Variants in KCNN2 observed in about 807,000 individuals in gnomAD.
The protein encoded by KCNN2 is small conductance calcium-activated potassium channel protein 2.
In KCNN2, 24 loss-of-function variants were observed where a neutral mutation model predicts 55.5. That is an observed-to-expected ratio of 0.43 (90% confidence interval 0.31 to 0.61). The LOEUF is 0.61. Among genes scored for constraint, KCNN2 ranks in the 20% least tolerant of loss-of-function variants. KCNN2 has a pLI of 0.08. For synonymous variants in KCNN2, 431 were observed against 336.1 expected, an observed-to-expected ratio of 1.28 and a Z score of -3.09; for missense variants, 754 against 853.6, an observed-to-expected ratio of 0.88 and a Z score of 1.45.
chr5:114,461,002 T>A (rs1394755691), intron 3 of KCNN2, among the ~76,000 whole-genome samples: 1 of 152,210 alleles, frequency 6.6e-6, no homozygotes, highest in Non-Finnish European at 1.5e-5. Context: ...TGGTGAGGAA[T>A]ACTTACTAGA....
chr5:114,154,425 G>T (rs1052347553), intron 1 of KCNN2, among the ~76,000 whole-genome samples: 4 of 152,004 alleles, frequency 2.6e-5, no homozygotes, highest in Admixed American at 6.6e-5. Flanking sequence ...AAATGTGGGT[G>T]GCACTAGAGG....
chr5:114,443,250 C>T (rs1396823472), intron 3 of KCNN2, among the ~76,000 whole-genome samples: 4 of 151,070 alleles, frequency 2.6e-5, no homozygotes, highest in Admixed American at 2.6e-4. Flanking sequence ...GAGATCATGC[C>T]ACTGACTCCA....
At chr5:114,096,978 C>T (rs1411447747) in intron 1 of KCNN2, among the ~76,000 whole-genome samples, 1 of 148,346 alleles carries the variant, frequency 6.7e-6, no homozygotes. Context: ...GACTCAGAGA[C>T]ACCAGGTAAC....
At chr5:114,241,804 A>ATGTGTG (rs1561537246) in intron 2 of KCNN2, among the ~76,000 whole-genome samples, 2 of 22,968 alleles carry the variant, frequency 8.7e-5, no homozygotes, top group South Asian at 1.6e-3. Flanking sequence ...GTATATATAT[A>ATGTGTG]CGTATATATA....
chr5:114,143,344 A>G (rs534773063), intron 1 of KCNN2, among the ~76,000 whole-genome samples: 126 of 152,302 alleles, frequency 8.3e-4, no homozygotes, highest in African/African-American at 3.0e-3. Flanking sequence ...ATAACCTATG[A>G]TTGGGAAGAT....
At position 114,272,454 on chromosome 5, in the gene KCNN2, A is replaced by G. The variant is rs931020153; in HGVS notation, c.-185+50889A>G. Among the ~76,000 whole-genome samples, 7 of 10,946 alleles carry G rather than the reference A, an allele frequency of 6.4e-4. 2 individuals carry two copies. The highest frequency in any genetic ancestry group is 8.5e-4 in the African/African-American group (7 of 8,274). 7.2% of individuals were successfully genotyped at this position (10,946 alleles called of 152,430 possible). ...GTACATATCATATACACACATATGTATGTACATATCATACACACATATGTA... is the reference window on the plus strand; with the variant it reads ...GTACATATCATATACACACATATGTGTGTACATATCATACACACATATGTA... On this transcript the variant is annotated intron_variant, in intron 2 of 10. Coordinates refer to the KCNN2 transcript ENST00000512097.
upstream of KCNN2, among the ~76,000 whole-genome samples, chr5:114,359,629 C>A (rs774078853): frequency 6.6e-6 from 1 of 152,140 alleles, no homozygotes; most frequent in Non-Finnish European, 1.5e-5. Flanking sequence ...TATGATATTT[C>A]AGGGGTGGAG....
intron 2 of KCNN2, among the ~76,000 whole-genome samples, chr5:114,262,920 C>A (rs953240070): frequency 1.3e-5 from 2 of 151,932 alleles, no homozygotes; most frequent in East Asian, 1.9e-4. Context: ...TACTAAAATG[C>A]GATGATCCTA....
At chr5:114,080,992 T>G (rs1750804441) in intron 1 of KCNN2, among the ~76,000 whole-genome samples, 1 of 152,124 alleles carries the variant, frequency 6.6e-6, no homozygotes, top group Admixed American at 6.6e-5. Context: ...AGTAGCAGGA[T>G]ACAAATTTAT....
chr5:114,197,314 A>T (rs1006473555), intron 1 of KCNN2, among the ~76,000 whole-genome samples: 9 of 152,028 alleles, frequency 5.9e-5, no homozygotes, highest in Non-Finnish European at 1.2e-4. Flanking sequence ...GTTTAATGGG[A>T]TGTTCTAGAC....
intron 2 of KCNN2, among the ~76,000 whole-genome samples, chr5:114,396,279 A>G (rs1758614277): frequency 1.3e-5 from 2 of 151,942 alleles, no homozygotes; most frequent in South Asian, 2.1e-4. Flanking sequence ...ATCAGGAGAA[A>G]GGGCTTTTGT....
intron 2 of KCNN2, among the ~76,000 whole-genome samples, chr5:114,247,063 G>T (rs917462994): frequency 4.0e-5 from 6 of 151,528 alleles, no homozygotes; most frequent in African/African-American, 1.2e-4. Context: ...CAGCACTTTG[G>T]GAGGCCGAGG....
At chr5:114,142,888 A>T (rs1308107517) in intron 1 of KCNN2, among the ~76,000 whole-genome samples, 3 of 152,210 alleles carry the variant, frequency 2.0e-5, no homozygotes, top group Non-Finnish European at 1.5e-5. Context: ...ATGGAACCAA[A>T]AAAGAGCCCG....
At chr5:114,349,189 T>C (rs1042328720) in intron 2 of KCNN2, among the ~76,000 whole-genome samples, 8 of 152,170 alleles carry the variant, frequency 5.3e-5, no homozygotes, top group Non-Finnish European at 1.2e-4. Flanking sequence ...CTTTCCTTTA[T>C]GTCTTTTCAA....
intron 1 of KCNN2, among the ~76,000 whole-genome samples, chr5:114,173,695 T>A (rs1412104259): frequency 1.3e-5 from 2 of 151,732 alleles, no homozygotes; most frequent in Non-Finnish European, 2.9e-5. Flanking sequence ...TTTCATTGTA[T>A]AAATCCTTTA....
intron 2 of KCNN2, among the ~76,000 whole-genome samples, chr5:114,277,235 G>T (rs565876452): frequency 3.4e-4 from 52 of 152,180 alleles, no homozygotes; most frequent in Admixed American, 1.3e-3. Context: ...TTCCTTTGTG[G>T]GTAACCCAGC....
At chr5:114,265,352 TGTGTG>T (rs1365630721) in intron 2 of KCNN2, among the ~76,000 whole-genome samples, 1 of 115,866 alleles carries the variant, frequency 8.6e-6, no homozygotes, top group East Asian at 3.4e-4. Context: ...TGTGTGTGTG[TGTGTG>T]TGTGTGTGCA....
intron 1 of KCNN2, among the ~76,000 whole-genome samples, chr5:114,093,236 A>G (rs1751186403): frequency 1.3e-5 from 2 of 152,200 alleles, no homozygotes; most frequent in Admixed American, 6.5e-5. Flanking sequence ...AAAGCATAGC[A>G]AGAGTGACCT....
chr5:114,318,546 CTT>C (rs1756547394), intron 2 of KCNN2, among the ~76,000 whole-genome samples: 1 of 151,406 alleles, frequency 6.6e-6, no homozygotes, highest in Non-Finnish European at 1.5e-5. Flanking sequence ...TAATCATACA[CTT>C]ATCATAACAA....
Sources: gnomAD v4.1 joint callset for allele counts (sites outside exome capture counted in the v4.1 genomes callset) on GRCh38, gnomAD v4.1.1 for gene constraint, MANE v1.5 for transcripts, NCBI Gene and HGNC (gene_info 2026-07-23, HGNC 2026-07-21) for gene names.